The following SOX5 variants were observed in gnomAD, a reference collection of about 807,000 sequenced individuals.
The protein encoded by SOX5 is SRY-box transcription factor 5, also known as transcription factor SOX-5.
A neutral mutation model predicts 92.0 loss-of-function variants in SOX5; 9 were observed. That is an observed-to-expected ratio of 0.10 (90% CI 0.06 to 0.17). The LOEUF (loss-of-function observed/expected upper bound fraction) is 0.17, where lower values mean the gene tolerates loss of function less well. Among genes scored for constraint, SOX5 ranks in the 10% least tolerant of loss-of-function variants. The probability of loss-of-function intolerance (pLI) is 1.00; values close to 1 mark genes in which losing one functional copy is unlikely to be tolerated. For missense variants in SOX5, 642 were observed against 944.5 expected, an observed-to-expected ratio of 0.68 and a Z score of 4.20; for synonymous variants, 344 against 336.3, an observed-to-expected ratio of 1.02 and a Z score of -0.25.
At chr12:24,436,454 C>G (rs891672502) in intron 1 of SOX5, among the ~76,000 whole-genome samples, 8 of 152,334 alleles carry the variant, frequency 5.3e-5, no homozygotes, top group African/African-American at 1.9e-4. Context: ...TAACCCAAAG[C>G]CTAATCTAGA....
At chr12:23,998,115 G>A (rs1412648999) in intron 4 of SOX5, among the ~76,000 whole-genome samples, 1 of 152,068 alleles carries the variant, frequency 6.6e-6, no homozygotes, top group Non-Finnish European at 1.5e-5. Context: ...AGGGACCCCA[G>A]GTGTCAGACT....
intron 4 of SOX5, among the ~76,000 whole-genome samples, chr12:23,983,481 A>G (rs778421169): frequency 6.6e-6 from 1 of 152,194 alleles, no homozygotes; most frequent in Non-Finnish European, 1.5e-5. Flanking sequence ...ATGAGCAGTT[A>G]GTTGCAGAAA....
chr12:23,764,769 T>C (rs898697515), intron 3 of SOX5, among the ~76,000 whole-genome samples: 2 of 152,202 alleles, frequency 1.3e-5, no homozygotes, highest in East Asian at 1.9e-4. Context: ...TAGAAAACCA[T>C]TTAACATACA....
intron 1 of SOX5, among the ~76,000 whole-genome samples, chr12:23,943,528 C>A (rs1944037944): frequency 6.6e-6 from 1 of 152,028 alleles, no homozygotes; most frequent in South Asian, 2.1e-4. Context: ...CGCTGCTGTA[C>A]CACCTTCACT....
intron 4 of SOX5, among the ~76,000 whole-genome samples, chr12:24,024,616 T>G (rs1021672): frequency 0.42 from 63,802 of 151,810 alleles, 13,782 homozygotes; most frequent in East Asian, 0.7. Flanking sequence ...CTGACTACAT[T>G]TCAGACATTT....
chr12:23,905,062 T>C (rs1055519065), intron 1 of SOX5, among the ~76,000 whole-genome samples: 1 of 152,240 alleles, frequency 6.6e-6, no homozygotes, highest in Non-Finnish European at 1.5e-5. Context: ...ATCTGATTCT[T>C]GTCATTATCT....
chr12:24,272,569 C>G (rs1565799951), intron 3 of SOX5, among the ~76,000 whole-genome samples: 1 of 152,076 alleles, frequency 6.6e-6, no homozygotes, highest in Non-Finnish European at 1.5e-5. Context: ...ATTTTTAATA[C>G]AAGAAACAGA....
At chr12:24,077,662 C>T (rs780264434) in intron 4 of SOX5, among the ~76,000 whole-genome samples, 14 of 151,394 alleles carry the variant, frequency 9.2e-5, no homozygotes, top group Admixed American at 9.2e-4. Flanking sequence ...ATTAATAAAA[C>T]ATCAAAGCTG....
At chr12:23,999,788 A>G (rs1020648457) in intron 4 of SOX5, among the ~76,000 whole-genome samples, 1 of 152,020 alleles carries the variant, frequency 6.6e-6, no homozygotes, top group Non-Finnish European at 1.5e-5. Context: ...CTATCCTTCA[A>G]AAAATGAAGG....
intron 7 of SOX5, among the ~76,000 whole-genome samples, chr12:23,643,081 C>T (rs1293915873): frequency 1.4e-5 from 1 of 69,790 alleles, no homozygotes; most frequent in South Asian, 6.4e-4. Context: ...AGCGAGACTC[C>T]GTCTCAAAAA....
intron 4 of SOX5, among the ~76,000 whole-genome samples, chr12:24,153,537 A>T (rs1022937296): frequency 6.6e-6 from 1 of 152,146 alleles, no homozygotes; most frequent in Non-Finnish European, 1.5e-5. Context: ...TAGTAAACTT[A>T]TCCTAGCCAT....
At chr12:23,633,714 T>C (rs1454231847) in intron 8 of SOX5, among the ~76,000 whole-genome samples, 2 of 152,158 alleles carry the variant, frequency 1.3e-5, no homozygotes, top group Admixed American at 6.5e-5. Context: ...CCTTCCATTA[T>C]TTAGAAATAA....
intron 3 of SOX5, among the ~76,000 whole-genome samples, chr12:23,832,903 T>C (rs1232352260): frequency 6.6e-6 from 1 of 151,956 alleles, no homozygotes; most frequent in East Asian, 1.9e-4. Context: ...GCTAAATATC[T>C]GTAAATTATC....
At chr12:23,930,138 T>C (rs1039588325) in intron 1 of SOX5, among the ~76,000 whole-genome samples, 1 of 151,838 alleles carries the variant, frequency 6.6e-6, no homozygotes, top group Non-Finnish European at 1.5e-5. Context: ...CTGAGTCATG[T>C]GGGGAGGAGG....
chr12:24,078,674 T>C (rs1942951745), intron 4 of SOX5, among the ~76,000 whole-genome samples: 1 of 152,064 alleles, frequency 6.6e-6, no homozygotes, highest in Admixed American at 6.6e-5. Flanking sequence ...CTGTGACTCA[T>C]GGTAAGAACC....
chr12:24,528,436 T>C (rs1186234305), intron 1 of SOX5, among the ~76,000 whole-genome samples: 2 of 152,154 alleles, frequency 1.3e-5, no homozygotes, highest in Admixed American at 6.5e-5. Flanking sequence ...CTATGAAAAG[T>C]TGAAAGAGTA....
At chr12:24,002,612 CA>C (rs924066411) in intron 4 of SOX5, among the ~76,000 whole-genome samples, 6 of 130,412 alleles carry the variant, frequency 4.6e-5, no homozygotes, top group Admixed American at 1.5e-4. Context: ...AAGTTTCTTC[CA>C]AAAAAAAACC....
At chr12:24,231,668 G>A (rs567158924) in intron 3 of SOX5, among the ~76,000 whole-genome samples, 3 of 152,232 alleles carry the variant, frequency 2.0e-5, no homozygotes, top group Admixed American at 6.5e-5. Context: ...CGACTATGCC[G>A]GTTACCACTG....
At chr12:24,175,161 G>A (rs1251898967) in intron 4 of SOX5, among the ~76,000 whole-genome samples, 2 of 152,122 alleles carry the variant, frequency 1.3e-5, no homozygotes, top group East Asian at 3.8e-4. Flanking sequence ...ATATTCCTTC[G>A]CTTCACCTCA....
Sources: allele counts gnomAD v4.1 joint callset (sites outside exome capture counted in the v4.1 genomes callset), GRCh38; gene constraint gnomAD v4.1.1; transcripts MANE v1.5; gene names NCBI Gene and HGNC (gene_info 2026-07-23, HGNC 2026-07-21).